Variants in GCH1 observed in about 807,000 individuals in gnomAD.
GCH1 encodes GTP cyclohydrolase I.
Under a neutral mutation model 25.9 loss-of-function variants are expected in GCH1, and 5 were observed. The observed-to-expected ratio is 0.19, with a 90% CI of 0.10 to 0.41. The LOEUF is 0.41. Among genes scored for constraint, GCH1 ranks in the 10% least tolerant of loss-of-function variants. The pLI is 1.00. For synonymous variants in GCH1, 159 were observed against 129.6 expected (o/e 1.23, Z -1.54); for missense variants, 261 against 336.5 (o/e 0.78, Z 1.75).
rs1427825866 is a variant in GCH1, at chr14:54,865,403, T to C, written c.377A>G (p.His126Arg). 1.9e-6 allele frequency: 3 copies of C among 1,585,894 alleles called. No individual in the cohort carries two copies. Among genetic ancestry groups the C allele is most frequent in the Non-Finnish European group, 2.6e-6 (3 of 1,154,832 alleles). The change falls in exon 2 of 6, where the codon CAT (histidine) becomes CGT (arginine). Residue 126 changes from histidine (H) to arginine (R), a missense_variant. This residue lies in a region of GCH1 where 130 missense variants were observed against 184.1 expected (regional missense o/e 0.71). Transcript: ENST00000491895. ...VLNDAIFDED[H>R]DEMVIVKDID... ...GTCCTTCACAATCACCATCTCATCA[T>C]GATCTTCATCAAATATAGCATCGTT... is the stretch of plus-strand genomic sequence containing the variant.
At chr14:54,876,143 T>C (rs1270332563) in intron 1 of GCH1, among the ~76,000 whole-genome samples, 2 of 152,166 alleles carry the variant, frequency 1.3e-5, no homozygotes, top group Non-Finnish European at 2.9e-5. Context: ...GTGGCACATA[T>C]ACACCACAGA....
chr14:54,859,338 C>A (rs960609868), intron 3 of GCH1: 3 of 314,676 alleles, frequency 9.5e-6, no homozygotes, highest in Non-Finnish European at 1.2e-5. Context: ...CTTCCCCAAC[C>A]CCTCACTGTT....
intron 1 of GCH1, among the ~76,000 whole-genome samples, chr14:54,866,369 T>A (rs2039989819): frequency 6.6e-6 from 1 of 152,030 alleles, no homozygotes; most frequent in Non-Finnish European, 1.5e-5. Flanking sequence ...AAATGCCATA[T>A]GACATGGAAA....
At position 54,843,947 on chromosome 14, in the gene GCH1, C is replaced by G. The variant is rs1003952479; in HGVS notation, c.*70G>C. 1.6e-5 allele frequency: 26 copies of G among 1,613,658 alleles called. No individual in the cohort carries two copies. The highest frequency in any genetic ancestry group is 2.1e-5 in the Non-Finnish European group (25 of 1,179,916). On this transcript the variant is annotated 3_prime_UTR_variant, in exon 6 of 6. Coordinates refer to ENST00000491895, the MANE Select transcript of GCH1 (RefSeq NM_000161.3). ...AACAATTGAAAATGGAATGTACAAA[C>G]AAGACCGGACAGACAGACAATGCTA... is the stretch of plus-strand genomic sequence containing the variant.
intron 2 of GCH1, among the ~76,000 whole-genome samples, chr14:54,863,215 C>G (rs1056860894): frequency 1.3e-5 from 2 of 151,686 alleles, no homozygotes; most frequent in African/African-American, 2.4e-5. Context: ...GTCAGGAGAT[C>G]AAGACCATCC....
chr14:54,892,320 A>C (rs2040433769), intron 1 of GCH1, among the ~76,000 whole-genome samples: 1 of 152,236 alleles, frequency 6.6e-6, no homozygotes, highest in South Asian at 2.1e-4. Context: ...AAGGGGAACT[A>C]CTGTATCTTC....
chr14:54,886,175 T>A, intron 1 of GCH1: 1 of 158,000 alleles, frequency 6.3e-6, no homozygotes. Flanking sequence ...AAATTCTGCT[T>A]TTCTTGGGCA....
intron 1 of GCH1, among the ~76,000 whole-genome samples, chr14:54,880,373 T>G (rs2040228679): frequency 7.0e-6 from 1 of 142,762 alleles, no homozygotes; most frequent in Non-Finnish European, 1.5e-5. Flanking sequence ...AATATATATT[T>G]TATATATAAT....
At chr14:54,844,282 A>AT (rs1204445945) in intron 5 of GCH1, 139 bp from the exon 6 acceptor site, 1 of 752,662 alleles carries the variant, frequency 1.3e-6, no homozygotes, top group Non-Finnish European at 2.4e-6. Context: ...AATGTTATCT[A>AT]TTAGGTTCAT....
chr14:54,845,685 G>T, intron 5 of GCH1, 83 bp downstream of exon 5: 1 of 817,302 alleles, frequency 1.2e-6, no homozygotes, highest in Non-Finnish European at 2.2e-6. Flanking sequence ...ATCACCTGGT[G>T]CTACAAAATA....
chr14:54,901,964 G>C (rs563268452), intron 1 of GCH1, among the ~76,000 whole-genome samples: 1 of 152,326 alleles, frequency 6.6e-6, no homozygotes, highest in East Asian at 1.9e-4. Context: ...GGCAAGTTTG[G>C]AACCGCAGGT....
chr14:54,886,544 G>A (rs1014792733), intron 1 of GCH1, among the ~76,000 whole-genome samples: 3 of 152,140 alleles, frequency 2.0e-5, no homozygotes, highest in African/African-American at 7.2e-5. Context: ...CCCGGGAAGC[G>A]GAGCTTGCAG....
intron 1 of GCH1, among the ~76,000 whole-genome samples, chr14:54,889,468 T>C (rs780658357): frequency 6.6e-6 from 1 of 152,204 alleles, no homozygotes; most frequent in South Asian, 2.1e-4. Flanking sequence ...TAATGTGTGA[T>C]ACATAAAACA....
At chr14:54,845,556 T>C (rs1411592967) in intron 5 of GCH1, among the ~76,000 whole-genome samples, 3 of 152,122 alleles carry the variant, frequency 2.0e-5, no homozygotes, top group African/African-American at 7.2e-5. Flanking sequence ...AGCCCCATCC[T>C]ACCCTCAAAA....
intron 5 of GCH1, among the ~76,000 whole-genome samples, 160 bp from the exon 6 acceptor site, chr14:54,844,303 C>T (rs1336778621): frequency 6.6e-6 from 1 of 152,222 alleles, no homozygotes; most frequent in Non-Finnish European, 1.5e-5. Flanking sequence ...GCAAAAGTAA[C>T]TGCGGTTCTT....
intron 1 of GCH1, among the ~76,000 whole-genome samples, chr14:54,884,567 C>T (rs987059904): frequency 6.6e-6 from 1 of 151,910 alleles, no homozygotes; most frequent in Admixed American, 6.6e-5. Flanking sequence ...GTCAGGAGTT[C>T]GAGACCAGCC....
intron 1 of GCH1, among the ~76,000 whole-genome samples, chr14:54,882,985 C>T (rs1008580841): frequency 6.6e-5 from 10 of 152,142 alleles, no homozygotes; most frequent in Non-Finnish European, 1.5e-4. Flanking sequence ...GGGATGGACC[C>T]AGGATAAGTC....
At chr14:54,882,488 ACTGT>A (rs976021131) in intron 1 of GCH1, among the ~76,000 whole-genome samples, 33 of 152,356 alleles carry the variant, frequency 2.2e-4, no homozygotes, top group African/African-American at 7.2e-4. Flanking sequence ...AGCCTTAGAA[ACTGT>A]CTAAGGAATC....
chr14:54,870,545 C>T (rs530874503), intron 1 of GCH1, among the ~76,000 whole-genome samples: 87 of 152,218 alleles, frequency 5.7e-4, no homozygotes, highest in Non-Finnish European at 7.2e-4. Context: ...CAAAGCAGGG[C>T]GAGGCGTCAC....
Sources: gnomAD v4.1 joint callset for allele counts (sites outside exome capture counted in the v4.1 genomes callset) on GRCh38, gnomAD v4.1.1 for gene constraint, gnomAD v4.1.1 regional missense constraint, MANE v1.5 for transcripts, NCBI Gene and HGNC (gene_info 2026-07-23, HGNC 2026-07-21) for gene names.